Variants in RPUSD3 observed in about 807,000 individuals in gnomAD.
The protein encoded by RPUSD3 is mitochondrial mRNA pseudouridine synthase RPUSD3.
Under a neutral mutation model 35.1 loss-of-function variants are expected in RPUSD3, and 36 were observed. That is an observed-to-expected ratio of 1.02 (90% confidence interval 0.79 to 1.35). RPUSD3 has a LOEUF of 1.35. Among genes scored for constraint, RPUSD3 ranks in the 40% most tolerant of loss-of-function variants. The pLI, the probability that RPUSD3 is intolerant of heterozygous loss-of-function variation, is 0.00. For synonymous variants in RPUSD3, 202 were observed against 187.8 expected (o/e 1.08, Z -0.62); for missense variants, 486 against 441.9 (o/e 1.10, Z -0.89).
At chr3:9,842,120 C>A (rs1399216997) in intron 3 of RPUSD3, 38 bp from the exon 4 acceptor site, 2 of 1,611,816 alleles carry the variant, frequency 1.2e-6, no homozygotes, top group African/African-American at 2.7e-5. Flanking sequence ...GAGGCCAAAG[C>A]TTCATGCCTT....
At chr3:9,841,853 C>T in intron 4 of RPUSD3, 130 bp downstream of exon 4, 2 of 762,974 alleles carry the variant, frequency 2.6e-6, no homozygotes, top group East Asian at 2.5e-5. Context: ...CTCTTCTTCA[C>T]AGTACTTGTA....
intron 7 of RPUSD3, 94 bp from the exon 8 acceptor site, chr3:9,839,265 C>T: frequency 7.0e-7 from 1 of 1,425,786 alleles, no homozygotes; most frequent in Non-Finnish European, 9.5e-7. Context: ...GGAAACACCA[C>T]CCCCTTTCTC....
Position 9,843,584 on chromosome 3 carries a change from CG to C in RPUSD3, c.142del (p.Arg48AlafsTer43), listed in dbSNP as rs1394143558. 1 of 1,613,584 alleles carries C rather than the reference CG, an allele frequency of 6.2e-7. No individual in the cohort carries two copies. The highest frequency in any genetic ancestry group is 8.5e-7 in the Non-Finnish European group (1 of 1,179,974). On this transcript the variant is annotated frameshift_variant, in exon 2 of 9. Transcript: ENST00000383820. LOFTEE classifies it high-confidence loss of function. Reference sequence around the variant, plus strand: ...GGGCCCCGACCGTTGGCAGGAGCCGCGGGGTTGCCTCTGATGCCTGGACAAG... The same window carrying C: ...GGGCCCCGACCGTTGGCAGGAGCCGCGGGTTGCCTCTGATGCCTGGACAAG...
intron 4 of RPUSD3, chr3:9,841,757 C>G: frequency 2.3e-6 from 1 of 443,086 alleles, no homozygotes; most frequent in Non-Finnish European, 4.1e-6. Flanking sequence ...GTGTGAGTCA[C>G]TGTGCCCAGC....
chr3:9,843,299 T>G, intron 2 of RPUSD3, 166 bp downstream of exon 2: 2 of 882,612 alleles, frequency 2.3e-6, no homozygotes, highest in Non-Finnish European at 3.5e-6. Flanking sequence ...ATCATGGCAG[T>G]AGGGTTAAAA....
chr3:9,843,760 G>A, intron 1 of RPUSD3, 130 bp downstream of exon 1: 1 of 1,540,048 alleles, frequency 6.5e-7, no homozygotes, highest in Non-Finnish European at 8.8e-7. Flanking sequence ...CCATTCTACA[G>A]CGGAGGGCAC....
At chr3:9,840,851 GC>G in intron 4 of RPUSD3, 46 bp from the exon 5 acceptor site, 1 of 1,488,580 alleles carries the variant, frequency 6.7e-7, no homozygotes, top group South Asian at 1.2e-5. Flanking sequence ...CCTTGAACTC[GC>G]CCACTAAAAA....
chr3:9,841,248 C>T (rs902044890), intron 4 of RPUSD3: 2 of 160,730 alleles, frequency 1.2e-5, no homozygotes, highest in Non-Finnish European at 2.7e-5. Context: ...AATGACTGCA[C>T]ACTGAGCATA....
exon 2 of RPUSD3, chr3:9,843,558 G>A: frequency 1.9e-6 from 3 of 1,613,844 alleles, no homozygotes; most frequent in Non-Finnish European, 2.5e-6. Flanking sequence ...TGGTCCCCGA[G>A]GGGCCCCGAC....
At chr3:9,843,845 CT>C in intron 1 of RPUSD3, 44 bp downstream of exon 1, 1 of 1,569,424 alleles carries the variant, frequency 6.4e-7, no homozygotes, top group Non-Finnish European at 8.6e-7. Context: ...TGCCTTCCCC[CT>C]GCCCTAGCCT....
At chr3:9,843,850 C>CT in intron 1 of RPUSD3, 40 bp downstream of exon 1, 1 of 1,574,086 alleles carries the variant, frequency 6.4e-7, no homozygotes, top group Non-Finnish European at 8.6e-7. Flanking sequence ...TCCCCCTGCC[C>CT]TAGCCTCCGT....
chr3:9,839,927 C>G, intron 7 of RPUSD3: 3 of 345,756 alleles, frequency 8.7e-6, no homozygotes, highest in Non-Finnish European at 1.6e-5. Flanking sequence ...ATCACCTAGA[C>G]TGGAGTGCAG....
exon 9 of RPUSD3, chr3:9,837,967 C>T (rs762341752): frequency 3.2e-4 from 475 of 1,501,496 alleles, no homozygotes; most frequent in Non-Finnish European, 4.0e-4. Context: ...TGCAGAGCCC[C>T]CACCCTCACT....
intron 1 of RPUSD3, 135 bp from the exon 2 acceptor site, chr3:9,843,736 A>T (rs191629510): frequency 3.0e-5 from 46 of 1,542,336 alleles, no homozygotes; most frequent in Admixed American, 2.7e-4. Flanking sequence ...TCGAAAATTC[A>T]GGTACGACCG....
At chr3:9,843,601 C>T (rs200629623) in exon 2 of RPUSD3, 6 of 1,613,558 alleles carry the variant, frequency 3.7e-6, no homozygotes, top group Non-Finnish European at 5.1e-6. Context: ...GCCTCTGATG[C>T]CTGGACAAGG....
chr3:9,840,350 G>T, intron 6 of RPUSD3, 43 bp from the exon 7 acceptor site: 1 of 1,614,114 alleles, frequency 6.2e-7, no homozygotes, highest in Non-Finnish European at 8.5e-7. Flanking sequence ...CACAGGTCTG[G>T]GAGCTATACC....
chr3:9,843,545 G>C, exon 2 of RPUSD3: 1 of 1,613,854 alleles, frequency 6.2e-7, no homozygotes, highest in Non-Finnish European at 8.5e-7. Flanking sequence ...CCCCGCGAAG[G>C]GCTGGTCCCC....
intron 2 of RPUSD3, 140 bp from the exon 3 acceptor site, chr3:9,842,383 C>T (rs2082117216): frequency 6.2e-6 from 5 of 805,654 alleles, no homozygotes; most frequent in South Asian, 1.4e-5. Flanking sequence ...CTACCCCACA[C>T]CAAATTCAAC....
chr3:9,839,438 G>C, intron 7 of RPUSD3: 1 of 323,040 alleles, frequency 3.1e-6, no homozygotes, highest in Non-Finnish European at 5.7e-6. Flanking sequence ...CCTAAGGACT[G>C]TTCTTTCCTG....
Sources: gnomAD v4.1 joint callset for allele counts on GRCh38, gnomAD v4.1.1 for gene constraint, MANE v1.5 for transcripts, NCBI Gene and HGNC (gene_info 2026-07-23, HGNC 2026-07-21) for gene names.